TENM2: variants seen among roughly 807,000 people sequenced by gnomAD.
TENM2 encodes the protein teneurin transmembrane protein 2.
Under a neutral mutation model 245.2 loss-of-function variants are expected in TENM2, and 52 were observed. The ratio of observed to expected loss-of-function variants is 0.21; its 90% CI spans 0.17 to 0.27. TENM2 has a LOEUF of 0.27. Ranked by LOEUF, TENM2 falls within the 10% of genes least tolerant of loss-of-function variation. The pLI is 1.00. For missense variants in TENM2, 3,046 were observed against 3,666.8 expected, an observed-to-expected ratio of 0.83 and a Z score of 4.37; for synonymous variants, 1,363 against 1,438.9, an observed-to-expected ratio of 0.95 and a Z score of 1.19.
At position 168,247,642 on chromosome 5, in the gene TENM2, C is replaced by G. The variant is rs375698964; in HGVS notation, c.6703C>G (p.Leu2235Val). ...TGACCTTAATGGGAATCTCCACTTA[C>G]TGAACCCAGGCAACAGTGTGCGCCT... The change falls in exon 27 of 29, where the codon CTG becomes GTG. Residue 2235 changes from leucine to valine, a missense_variant. This residue lies in a region of TENM2 where 2,704 missense variants were observed against 3,331.9 expected (regional missense o/e 0.81). Coordinates refer to ENST00000518659, the Ensembl canonical transcript of TENM2. The surrounding 1 kb of genome is among the most constrained non-coding windows in gnomAD (Gnocchi z 7.8). 4 of 1,613,958 alleles carry G rather than the reference C, an allele frequency of 2.5e-6. No individual in the cohort carries two copies. Among genetic ancestry groups the G allele is most frequent in the South Asian group, 1.1e-5 (1 of 91,088 alleles).
chr5:168,047,655 GA>G, intron 6 of TENM2, 106 bp downstream of exon 8: 1 of 1,355,828 alleles, frequency 7.4e-7, no homozygotes, highest in Non-Finnish European at 9.9e-7. Flanking sequence ...TATGCCAAAA[GA>G]AAAAGAAACG....
intron 7 of TENM2, 94 bp downstream of exon 9, chr5:168,062,359 C>T: frequency 1.0e-6 from 1 of 970,962 alleles, no homozygotes; most frequent in Non-Finnish European, 1.5e-6. Flanking sequence ...ACTACAATGC[C>T]TATAATTAAA....
the TENM2 span, among the ~76,000 whole-genome samples, chr5:167,063,167 C>T: frequency 6.6e-6 from 1 of 152,120 alleles, no homozygotes; most frequent in Non-Finnish European, 1.5e-5. Flanking sequence ...TGTTGGGCAT[C>T]TCAATATCTG....
chr5:167,560,366 A>AT (rs34001234), intron 2 of TENM2, among the ~76,000 whole-genome samples: 74,676 of 151,220 alleles, frequency 0.49, 21,224 homozygotes, highest in Middle Eastern at 0.63. Context: ...GCATCGCCTT[A>AT]TTTTTTTTTC....
At chr5:167,178,651 T>C in the TENM2 span, among the ~76,000 whole-genome samples, 1 of 152,084 alleles carries the variant, frequency 6.6e-6, no homozygotes, top group Non-Finnish European at 1.5e-5. Flanking sequence ...CGATATGACT[T>C]ACTTTCTAAC....
At chr5:167,922,938 T>C (rs1445114922) in intron 3 of TENM2, among the ~76,000 whole-genome samples, 1 of 152,248 alleles carries the variant, frequency 6.6e-6, no homozygotes, top group Admixed American at 6.5e-5. Context: ...TAGAATGGCT[T>C]ACAGGCCGAA....
intron 13 of TENM2, among the ~76,000 whole-genome samples, chr5:168,172,614 C>T (rs1323316136): frequency 1.3e-5 from 2 of 152,208 alleles, no homozygotes; most frequent in African/African-American, 4.8e-5. Flanking sequence ...TGTGTTTGGG[C>T]TCAGAGCAAG....
intron 1 of TENM2, among the ~76,000 whole-genome samples, chr5:167,373,492 A>G (rs971166563): frequency 6.6e-6 from 1 of 152,210 alleles, no homozygotes; most frequent in African/African-American, 2.4e-5. Context: ...ACATTTCTTC[A>G]CTGCATTTTT....
chr5:167,981,267 G>T (rs1437898934), intron 4 of TENM2, among the ~76,000 whole-genome samples: 1 of 152,160 alleles, frequency 6.6e-6, no homozygotes, highest in African/African-American at 2.4e-5. Context: ...CTTCCCAAGA[G>T]CACTTTCTAA....
At chr5:167,890,608 C>T (rs1418471777) in intron 3 of TENM2, among the ~76,000 whole-genome samples, 1 of 152,126 alleles carries the variant, frequency 6.6e-6, no homozygotes. Flanking sequence ...GAAATAATAA[C>T]ATGCCTAGTA....
rs57053799 is a variant in TENM2 at position 167,459,911 on chromosome 5, A to AACAC, written c.502+84459_502+84462dup. Among the ~76,000 whole-genome samples, 1,146 of 149,596 alleles carry AACAC rather than the reference A, an allele frequency of 7.7e-3. 6 individuals carry two copies. Among genetic ancestry groups the AACAC allele is most frequent in the South Asian group, 0.015 (70 of 4,712 alleles). On this transcript the variant is annotated intron_variant, in intron 2 of 28. Coordinates refer to ENST00000518659, the Ensembl canonical transcript of TENM2. ...CTGCATTTCCTTGTATATAAAGATA[A>AACAC]ACACACACACACACACACACACACG...
intron 2 of TENM2, among the ~76,000 whole-genome samples, chr5:167,672,770 CT>C (rs1422769681): frequency 1.3e-5 from 2 of 152,040 alleles, no homozygotes; most frequent in Admixed American, 1.3e-4. Context: ...CAGAAGAGGA[CT>C]TTTGACAAAA....
intron 3 of TENM2, among the ~76,000 whole-genome samples, chr5:167,896,864 A>C (rs1218509315): frequency 1.3e-5 from 2 of 152,212 alleles, no homozygotes; most frequent in Non-Finnish European, 2.9e-5. Flanking sequence ...GTTAGAGAGG[A>C]ATTGCCTTTA....
the TENM2 span, among the ~76,000 whole-genome samples, chr5:167,137,997 G>A: frequency 6.6e-6 from 1 of 152,072 alleles, no homozygotes; most frequent in Non-Finnish European, 1.5e-5. Flanking sequence ...TATATTAATG[G>A]CTTAAAATAT....
Position 167,952,464 on chromosome 5 carries a change from A to G in TENM2, c.713-124A>G, listed in dbSNP as rs978065847. ...CTGCCGCAGTCTTATCTGTCGCTCT[A>G]GCTTGCAGCTTTCAGCAATTGTCAG... is the stretch of plus-strand genomic sequence containing the variant. On this transcript the variant is annotated intron_variant, in intron 3 of 28. Coordinates refer to ENST00000518659, the Ensembl canonical transcript of TENM2. The G allele has an allele frequency of 1.2e-4, 91 of 774,738 alleles. No homozygotes were observed. In the Middle Eastern group the frequency reaches 1.7e-3, roughly 14 times the overall value. 48.0% of individuals were successfully genotyped at this position (774,738 alleles called of 1,614,324 possible).
intron 4 of TENM2, among the ~76,000 whole-genome samples, chr5:167,980,692 G>A (rs1782769598): frequency 6.6e-6 from 1 of 152,240 alleles, no homozygotes; most frequent in Non-Finnish European, 1.5e-5. Context: ...ACTGACTCCT[G>A]TGGGGAGAAG....
chr5:167,146,715 G>C, the TENM2 span, among the ~76,000 whole-genome samples: 1 of 152,082 alleles, frequency 6.6e-6, no homozygotes, highest in Admixed American at 6.6e-5. Context: ...TTTATTCTCC[G>C]ATATTCTTCA....
chr5:167,803,244 A>G (rs143585268), intron 2 of TENM2, among the ~76,000 whole-genome samples: 1 of 152,164 alleles, frequency 6.6e-6, no homozygotes, highest in Non-Finnish European at 1.5e-5. Flanking sequence ...CCCCCACTGC[A>G]TTCCTAAAAT....
intron 13 of TENM2, among the ~76,000 whole-genome samples, chr5:168,172,855 G>A (rs1758973987): frequency 6.6e-6 from 1 of 152,144 alleles, no homozygotes; most frequent in Non-Finnish European, 1.5e-5. Flanking sequence ...GCTGCCCAAG[G>A]CCTGTGCTCT....
Sources: gnomAD v4.1 joint callset for allele counts (sites outside exome capture counted in the v4.1 genomes callset) on GRCh38, gnomAD v4.1.1 for gene constraint, gnomAD v4.1.1 regional missense constraint, Gnocchi (gnomAD v3.1) non-coding constraint, MANE v1.5 for transcripts, NCBI Gene and HGNC (gene_info 2026-07-23, HGNC 2026-07-21) for gene names.